The following IGSF9 variants were observed in gnomAD, a reference collection of about 807,000 sequenced individuals.
The protein encoded by IGSF9 is protein turtle homolog A.
A neutral mutation model predicts 121.7 loss-of-function variants in IGSF9; 87 were observed. The ratio of observed to expected loss-of-function variants is 0.71; its 90% CI spans 0.60 to 0.85. The LOEUF (loss-of-function observed/expected upper bound fraction) is 0.85, where lower values mean the gene tolerates loss of function less well. Ranked by LOEUF, IGSF9 falls within the 40% of genes least tolerant of loss-of-function variation. The pLI, the probability that IGSF9 is intolerant of heterozygous loss-of-function variation, is 0.00. For synonymous variants in IGSF9, 640 were observed against 648.4 expected, an observed-to-expected ratio of 0.99 and a Z score of 0.20; for missense variants, 1,462 against 1,565.3, an observed-to-expected ratio of 0.93 and a Z score of 1.11.
At chr1:159,935,910 T>G (rs987534010) in intron 6 of IGSF9, among the ~76,000 whole-genome samples, 2 of 152,162 alleles carry the variant, frequency 1.3e-5, no homozygotes, top group East Asian at 3.9e-4. Context: ...CTTCCCTGTT[T>G]CCCCAATTAG....
In IGSF9 at chr1:159,931,372, C is replaced by A. The variant is rs1557932510; in HGVS notation, c.1513+81G>T. On this transcript the variant is annotated intron_variant, in intron 12 of 20. Coordinates refer to ENST00000368094, the MANE Select transcript of IGSF9 (RefSeq NM_001135050.2). The surrounding 1 kb of genome is among the most constrained non-coding windows in gnomAD (Gnocchi z 4.8). Reference sequence around the variant, plus strand: ...CCATCATCATCCCAGGGGTCCCACACCCATGATCCTCTTTCTGGGCCTCCA... The same window carrying A: ...CCATCATCATCCCAGGGGTCCCACAACCATGATCCTCTTTCTGGGCCTCCA... 5.6e-6 allele frequency: 9 copies of A among 1,597,404 alleles called. No individual in the cohort carries two copies. Among genetic ancestry groups the A allele is most frequent in the Admixed American group, 1.7e-5 (1 of 59,196 alleles).
In IGSF9 at chr1:159,937,786, C is replaced by T. The variant is rs759799154; in HGVS notation, c.300G>A (p.Val100=). The change falls in exon 4 of 21, where the codon GTG becomes GTA. Residue 100 remains valine (V), a synonymous_variant. Coordinates refer to ENST00000368094, the MANE Select transcript of IGSF9 (RefSeq NM_001135050.2). ...GASLQIEGLR[V]EDQGWYECRV... ...GGCACTCGTACCAGCCCTGGTCTTC[C>T]ACCCGGAGACCCTCAATCTGGAGAG... is the stretch of plus-strand genomic sequence containing the variant. 78 of 1,613,966 alleles carry T rather than the reference C, an allele frequency of 4.8e-5. No individual in the cohort carries two copies. The highest frequency in any genetic ancestry group is 6.4e-5 in the Non-Finnish European group (76 of 1,179,960).
chr1:159,929,597 C>T (rs1436169456), intron 17 of IGSF9, 41 bp downstream of exon 17: 1 of 1,568,918 alleles, frequency 6.4e-7, no homozygotes, highest in Non-Finnish European at 8.6e-7. Context: ...GGAGGCTAGG[C>T]CCAAGTGCGC....
chr1:159,942,947 TGAG>T lies in IGSF9; in HGVS notation c.247+13_247+15del. 6.2e-7 allele frequency: 1 copy of T among 1,607,370 alleles called. No individual in the cohort carries two copies. Among genetic ancestry groups the T allele is most frequent in the Non-Finnish European group, 8.5e-7 (1 of 1,176,968 alleles). ...TGCTGATACCTCCCTACCTCCCACCTGAGGAGAACTCTTACCCACGTAATCAGG... is the reference window on the plus strand; with the variant it reads ...TGCTGATACCTCCCTACCTCCCACCTGAGAACTCTTACCCACGTAATCAGG... On this transcript the variant is annotated intron_variant, in intron 3 of 20. Coordinates refer to ENST00000368094, the MANE Select transcript of IGSF9 (RefSeq NM_001135050.2).
intron 3 of IGSF9, among the ~76,000 whole-genome samples, chr1:159,939,953 C>T (rs752841901): frequency 2.7e-4 from 41 of 152,198 alleles, no homozygotes; most frequent in Non-Finnish European, 2.6e-4. Context: ...CTGCAGACCC[C>T]AGACTGCAAC....
At chr1:159,943,778 G>A (rs895479720) in intron 1 of IGSF9, 150 bp from the exon 2 acceptor site, 13 of 331,494 alleles carry the variant, frequency 3.9e-5, no homozygotes, top group Admixed American at 3.3e-4. Context: ...TTGAAGCCCT[G>A]GGGAGTAAGA....
Position 159,930,578 on chromosome 1 carries a change from C to T in IGSF9, c.1813+114G>A, listed in dbSNP as rs536036389. ...TCATCTTCCACACACCCCTCTGGAC[C>T]CCAAGCTGGCCAGCACCTCTGCCCC... On this transcript the variant is annotated intron_variant, in intron 14 of 20. Coordinates refer to ENST00000368094, the MANE Select transcript of IGSF9 (RefSeq NM_001135050.2). 102 of 1,540,828 alleles carry T rather than the reference C, an allele frequency of 6.6e-5. 1 individual carries two copies. The South Asian group carries it at 1.1e-3, about 17-fold the overall frequency.
At position 159,932,415 on chromosome 1, in the gene IGSF9, T is replaced by C; in HGVS notation, c.1245+97A>G. Reference sequence around the variant, plus strand: ...ACAAACTTGGAAACCCCTCCCCATGTGTCTGCCCCACCCCACCCCCATCAG... The same window carrying C: ...ACAAACTTGGAAACCCCTCCCCATGCGTCTGCCCCACCCCACCCCCATCAG... On this transcript the variant is annotated intron_variant, in intron 10 of 20. Transcript: ENST00000368094. The surrounding 1 kb of genome is among the most constrained non-coding windows in gnomAD (Gnocchi z 4.1). 9.7e-7 allele frequency: 1 copy of C among 1,031,242 alleles called. No homozygotes were observed. Among genetic ancestry groups the C allele is most frequent in the Non-Finnish European group, 1.4e-6 (1 of 704,732 alleles). 63.9% of individuals were successfully genotyped at this position (1,031,242 alleles called of 1,614,324 possible).
In IGSF9 at chr1:159,927,263, C is replaced by T. The variant is rs557461845; in HGVS notation, c.*82G>A. 47 of 1,551,774 alleles carry T rather than the reference C, an allele frequency of 3.0e-5. No homozygotes were observed. Among genetic ancestry groups the T allele is most frequent in the Non-Finnish European group, 3.8e-5 (43 of 1,127,488 alleles). ...CCAAAGGGGCAGGCAGGGGCAGTGC[C>T]CTCGTTTGAAACTAGGTCTGTCTGG... On this transcript the variant is annotated 3_prime_UTR_variant, in exon 21 of 21. Coordinates refer to ENST00000368094, the MANE Select transcript of IGSF9 (RefSeq NM_001135050.2).
chr1:159,929,603 T>A lies in IGSF9; in HGVS notation c.2326+35A>T, dbSNP rs1242491429. ...GGGGCTTAAGGAGGCTAGGCCCAAG[T>A]GCGCAGTAGCAGGGCTGAGGGTGGA... On this transcript the variant is annotated intron_variant, in intron 17 of 20. Coordinates refer to ENST00000368094, the MANE Select transcript of IGSF9 (RefSeq NM_001135050.2). 28 of 1,575,432 alleles carry A rather than the reference T, an allele frequency of 1.8e-5. No individual in the cohort carries two copies. In the African/African-American group the frequency reaches 3.2e-4, roughly 18 times the overall value.
At chr1:159,934,859 C>CCA in intron 6 of IGSF9, 37 bp from the exon 7 acceptor site, 1 of 1,612,062 alleles carries the variant, frequency 6.2e-7, no homozygotes. Context: ...TGGCCTCAGC[C>CCA]CACAGTCTTC....
intron 3 of IGSF9, among the ~76,000 whole-genome samples, chr1:159,939,452 A>G (rs6658042): frequency 0.41 from 62,620 of 151,926 alleles, 13,009 homozygotes; most frequent in East Asian, 0.47. Context: ...TTTCAAACTC[A>G]TGGCCTCAAG....
Position 159,934,698 on chromosome 1 carries a change from G to T in IGSF9, c.798C>A (p.Ile266=). 6.2e-7 allele frequency: 1 copy of T among 1,614,234 alleles called. No individual in the cohort carries two copies. The highest frequency in any genetic ancestry group is 8.5e-7 in the Non-Finnish European group (1 of 1,180,028). The change falls in exon 7 of 21, where the codon ATC becomes ATA. Residue 266 remains isoleucine (I), a synonymous_variant. Transcript: ENST00000368094. ...NLTYSWFQDN[I]NVFHISRLQP... is the part of the protein sequence containing the mutation. ...GACCCCACCTAATGTGGAAGACATT[G>T]ATGTTGTCCTGGAACCAGCTGTAGG...
chr1:159,930,926 G>T (rs1198892776), intron 13 of IGSF9, 59 bp from the exon 14 acceptor site: 11 of 1,504,484 alleles, frequency 7.3e-6, no homozygotes, highest in Non-Finnish European at 8.9e-6. Flanking sequence ...GAAGATCTGG[G>T]GTCCAGAGAT....
At chr1:159,928,005 A>C (rs767363281) in intron 19 of IGSF9, 118 bp from the exon 20 acceptor site, 1 of 1,491,976 alleles carries the variant, frequency 6.7e-7, no homozygotes. Flanking sequence ...CCCCTGAAAA[A>C]TCCCTGGACC....
chr1:159,929,506 G>A lies in IGSF9; in HGVS notation c.2327-113C>T, dbSNP rs1453788991. 10 of 1,497,406 alleles carry A rather than the reference G, an allele frequency of 6.7e-6. No homozygotes were observed. The East Asian group carries it at 1.8e-4, about 28-fold the overall frequency. 92.8% of individuals were successfully genotyped at this position (1,497,406 alleles called of 1,614,324 possible). ...CCCCATCCGGCTGGGAAAAGCGTAGGCAGGACCAGATGCAGGACTAAGAGA... is the reference window on the plus strand; with the variant it reads ...CCCCATCCGGCTGGGAAAAGCGTAGACAGGACCAGATGCAGGACTAAGAGA... On this transcript the variant is annotated intron_variant, in intron 17 of 20. Transcript: ENST00000368094.
chr1:159,930,978 C>T, intron 13 of IGSF9, 111 bp from the exon 14 acceptor site: 2 of 1,438,988 alleles, frequency 1.4e-6, no homozygotes, highest in Non-Finnish European at 1.9e-6. Context: ...GGTCTCAGGA[C>T]CTTGGCCCTG....
chr1:159,930,340 C>A lies in IGSF9; in HGVS notation c.1913G>T (p.Gly638Val). 1 of 1,609,866 alleles carries A rather than the reference C, an allele frequency of 6.2e-7. No individual in the cohort carries two copies. The highest frequency in any genetic ancestry group is 8.5e-7 in the Non-Finnish European group (1 of 1,177,600). ...TGGGGGATCCCAATGCAGGAGTACCCCCCGGGGTGTCCTCACTGCCACCAG... is the reference window on the plus strand; with the variant it reads ...TGGGGGATCCCAATGCAGGAGTACCACCCGGGGTGTCCTCACTGCCACCAG... Reference protein sequence around the residue: ...RGLVAVRTPRGVLLHWDPPEL... With the variant: ...RGLVAVRTPRVVLLHWDPPEL... The change falls in exon 15 of 21, where the codon GGG becomes GTG. Residue 638 changes from glycine to valine, a missense_variant. Gly to Val is a moderately radical substitution (Grantham distance 109). Transcript: ENST00000368094.
chr1:159,934,388 G>T, intron 8 of IGSF9, 37 bp downstream of exon 8: 2 of 1,568,600 alleles, frequency 1.3e-6, no homozygotes, highest in South Asian at 2.3e-5. Flanking sequence ...CCCAGGGGAA[G>T]GGAGCAGGCT....
Sources: allele counts gnomAD v4.1 joint callset (sites outside exome capture counted in the v4.1 genomes callset), GRCh38; gene constraint gnomAD v4.1.1; non-coding constraint Gnocchi (gnomAD v3.1); transcripts MANE v1.5; gene names NCBI Gene and HGNC (gene_info 2026-07-23, HGNC 2026-07-21).